The following SLC1A7 variants were observed in gnomAD, a reference collection of about 807,000 sequenced individuals.
SLC1A7 encodes excitatory amino acid transporter 5.
In SLC1A7, 40 loss-of-function variants were observed where a neutral mutation model predicts 47.7. That is an observed-to-expected ratio of 0.84 (90% CI 0.65 to 1.09). The LOEUF is 1.09. Among genes scored for constraint, SLC1A7 ranks in the 50% least tolerant of loss-of-function variants. The pLI is 0.00. For missense variants in SLC1A7, 746 were observed against 769.5 expected, an observed-to-expected ratio of 0.97 and a Z score of 0.36; for synonymous variants, 323 against 325.6, an observed-to-expected ratio of 0.99 and a Z score of 0.09.
At chr1:53,118,873 T>C (rs1644790352) in intron 2 of SLC1A7, among the ~76,000 whole-genome samples, 1 of 152,166 alleles carries the variant, frequency 6.6e-6, no homozygotes, top group Non-Finnish European at 1.5e-5. Context: ...GGCGCATGCC[T>C]GTAATCCTAG....
At chr1:53,096,858 C>T (rs114135178) in intron 5 of SLC1A7, among the ~76,000 whole-genome samples, 1,655 of 151,608 alleles carry the variant, frequency 0.011, 14 homozygotes, top group African/African-American at 0.022. Context: ...TGCCTCAGTA[C>T]GCTCACTTTG....
chr1:53,115,255 T>A (rs896913636), intron 2 of SLC1A7: 1 of 523,376 alleles, frequency 1.9e-6, no homozygotes, highest in East Asian at 3.1e-5. Context: ...GGGGACACTG[T>A]TGGGGGAGTG....
At chr1:53,130,680 G>A (rs897726103) in intron 2 of SLC1A7, among the ~76,000 whole-genome samples, 20 of 152,222 alleles carry the variant, frequency 1.3e-4, no homozygotes, top group African/African-American at 4.1e-4. Flanking sequence ...GAATACTTTC[G>A]GAGCTCTGAA....
At chr1:53,103,607 A>G in intron 4 of SLC1A7, 39 bp from the exon 5 acceptor site, 1 of 1,287,326 alleles carries the variant, frequency 7.8e-7, no homozygotes, top group Non-Finnish European at 1.1e-6. Flanking sequence ...AGTCAGGGCC[A>G]AGGGTTGTTA....
intron 5 of SLC1A7, among the ~76,000 whole-genome samples, chr1:53,098,220 C>T (rs1644523571): frequency 6.6e-6 from 1 of 151,552 alleles, no homozygotes. Context: ...CACCTTGGTA[C>T]ACTCACATGC....
intron 9 of SLC1A7, 63 bp downstream of exon 9, chr1:53,089,737 T>G (rs951169505): frequency 9.6e-6 from 15 of 1,567,804 alleles, no homozygotes; most frequent in Non-Finnish European, 1.3e-5. Context: ...CTCACCCTGA[T>G]CCCTGCTGAC....
chr1:53,120,839 C>T (rs1237399188), intron 2 of SLC1A7, among the ~76,000 whole-genome samples: 3 of 152,240 alleles, frequency 2.0e-5, no homozygotes, highest in Non-Finnish European at 4.4e-5. Context: ...GTGGATGCTG[C>T]TCAGCTCTGA....
At chr1:53,104,028 C>A (rs1467641002) in intron 4 of SLC1A7, among the ~76,000 whole-genome samples, 1 of 152,146 alleles carries the variant, frequency 6.6e-6, no homozygotes, top group East Asian at 1.9e-4. Context: ...TGAGATGAAG[C>A]CCATGCACAA....
chr1:53,112,476 C>T (rs1021520594), intron 3 of SLC1A7, among the ~76,000 whole-genome samples: 2 of 152,238 alleles, frequency 1.3e-5, no homozygotes, highest in Non-Finnish European at 1.5e-5. Flanking sequence ...GTTTGTTATG[C>T]AGCAGTAACT....
intron 6 of SLC1A7, among the ~76,000 whole-genome samples, chr1:53,093,041 A>C (rs191196232): frequency 3.7e-4 from 57 of 152,128 alleles, no homozygotes; most frequent in Middle Eastern, 3.4e-3. Flanking sequence ...TTCAGGCCCA[A>C]CAACGCCAGA....
At chr1:53,101,386 A>ATTACACTCACACACACTGCCTTG (rs1644578227) in intron 5 of SLC1A7, among the ~76,000 whole-genome samples, 1 of 132,560 alleles carries the variant, frequency 7.5e-6, no homozygotes, top group Non-Finnish European at 1.6e-5. Context: ...ACACTGCCCC[A>ATTACACTCACACACACTGCCTTG]TTACACTCAC....
At chr1:53,120,246 C>T (rs1051312431) in intron 2 of SLC1A7, among the ~76,000 whole-genome samples, 4 of 152,138 alleles carry the variant, frequency 2.6e-5, no homozygotes, top group African/African-American at 7.2e-5. Context: ...AGGTGGGACT[C>T]CTGACCCCAT....
intron 4 of SLC1A7, among the ~76,000 whole-genome samples, chr1:53,104,141 C>A (rs549708227): frequency 6.6e-6 from 1 of 152,190 alleles, no homozygotes; most frequent in Non-Finnish European, 1.5e-5. Flanking sequence ...AAAAAGGGAG[C>A]CTCCTCTCCC....
chr1:53,140,097 C>A (rs762496598), intron 1 of SLC1A7, among the ~76,000 whole-genome samples: 40 of 152,170 alleles, frequency 2.6e-4, no homozygotes, highest in Non-Finnish European at 2.4e-4. Context: ...GCAAAGAGAT[C>A]AAACAGAGAA....
At chr1:53,136,417 C>T (rs1210377155) in intron 1 of SLC1A7, among the ~76,000 whole-genome samples, 2 of 147,588 alleles carry the variant, frequency 1.4e-5, no homozygotes, top group Non-Finnish European at 3.0e-5. Context: ...TGGTCTTAAT[C>T]TCCTGACCTT....
chr1:53,124,321 G>A (rs575933481), intron 2 of SLC1A7, among the ~76,000 whole-genome samples: 1 of 150,854 alleles, frequency 6.6e-6, no homozygotes, highest in South Asian at 2.1e-4. Flanking sequence ...CCACACCCAC[G>A]CTTGGCTGTC....
intron 2 of SLC1A7, among the ~76,000 whole-genome samples, chr1:53,132,674 C>T (rs1344565947): frequency 1.3e-5 from 2 of 151,888 alleles, no homozygotes; most frequent in African/African-American, 2.4e-5. Flanking sequence ...GGTGAGACCC[C>T]GCCTCTACAA....
chr1:53,091,024 G>A lies in SLC1A7; in HGVS notation c.1032-218C>T, dbSNP rs79161054. 9,317 of 1,390,646 alleles carry A rather than the reference G, an allele frequency of 6.7e-3. 591 individuals are homozygous for A. The East Asian group carries it at 0.16, about 24-fold the overall frequency. The allele number at this position is 1,390,646 out of a possible 1,614,324, so 86.1% of individuals were successfully genotyped here. On this transcript the variant is annotated intron_variant, in intron 7 of 10. Coordinates refer to ENST00000371494, the MANE Select transcript of SLC1A7 (RefSeq NM_006671.6). ...TTGGGTGCATTTTACAGATGAGGAA[G>A]CTGACGCCCAGAGGGCGGGGCTGAC...
chr1:53,115,374 C>A, intron 2 of SLC1A7: 2 of 220,022 alleles, frequency 9.1e-6, no homozygotes, highest in East Asian at 2.4e-4. Flanking sequence ...CCCAGCCAGG[C>A]AGGACCAAGC....
Sources: allele counts gnomAD v4.1 joint callset (sites outside exome capture counted in the v4.1 genomes callset), GRCh38; gene constraint gnomAD v4.1.1; transcripts MANE v1.5; gene names NCBI Gene and HGNC (gene_info 2026-07-23, HGNC 2026-07-21).